The following DNAJB4 variants were observed in gnomAD, a reference collection of about 807,000 sequenced individuals.
The protein encoded by DNAJB4 is DnaJ heat shock protein family (Hsp40) member B4.
Under a neutral mutation model 26.6 loss-of-function variants are expected in DNAJB4, and 10 were observed. That is an observed-to-expected ratio of 0.38 (90% CI 0.23 to 0.64). DNAJB4 has a LOEUF of 0.64. DNAJB4 is among the 30% of genes least tolerant of loss of function. The probability of loss-of-function intolerance (pLI) is 0.58; values close to 1 mark genes in which losing one functional copy is unlikely to be tolerated. For synonymous variants in DNAJB4, 136 were observed against 134.8 expected (o/e 1.01, Z -0.06); for missense variants, 328 against 408.2 (o/e 0.80, Z 1.69).
At chr1:77,986,572 A>G (rs1320157219) in intron 1 of DNAJB4, among the ~76,000 whole-genome samples, 1 of 152,154 alleles carries the variant, frequency 6.6e-6, no homozygotes, top group Non-Finnish European at 1.5e-5. Flanking sequence ...CCATTCTTTA[A>G]ATCAACAACT....
At chr1:77,996,099 A>G (rs1382969678) in intron 1 of DNAJB4, among the ~76,000 whole-genome samples, 1 of 152,214 alleles carries the variant, frequency 6.6e-6, no homozygotes, top group Non-Finnish European at 1.5e-5. Flanking sequence ...TTGCTTGAAT[A>G]TTTTATTCAT....
At chr1:78,005,813 A>AC (rs1660317233) in intron 1 of DNAJB4, among the ~76,000 whole-genome samples, 1 of 152,218 alleles carries the variant, frequency 6.6e-6, no homozygotes, top group Non-Finnish European at 1.5e-5. Context: ...TGCCTTTCTT[A>AC]TAGCAAGGCT....
chr1:78,005,125 T>C lies in DNAJB4; in HGVS notation c.15T>C (p.Tyr5=). 1 of 1,613,814 alleles carries C rather than the reference T, an allele frequency of 6.2e-7. No homozygotes were observed. The highest frequency in any genetic ancestry group is 8.5e-7 in the Non-Finnish European group (1 of 1,179,920). MGKD[Y]YCILGIEKGA... is the part of the protein sequence containing the mutation. ...AGGCATTCGAAATGGGGAAAGACTATTATTGCATTTTGGGAATTGAGAAAG... is the reference window on the plus strand; with the variant it reads ...AGGCATTCGAAATGGGGAAAGACTACTATTGCATTTTGGGAATTGAGAAAG... The change falls in exon 1 of 3, where the codon TAT becomes TAC. Residue 5 remains tyrosine, a synonymous_variant. Transcript: ENST00000370763.
intron 1 of DNAJB4, among the ~76,000 whole-genome samples, 187 bp from the exon 2 acceptor site, chr1:78,012,861 TAAC>T (rs1660528332): frequency 6.6e-6 from 1 of 152,302 alleles, no homozygotes; most frequent in South Asian, 2.1e-4. Context: ...TTTGAAAACT[TAAC>T]AATTTAACTT....
At position 78,005,008 on chromosome 1, in the gene DNAJB4, A is replaced by G. The variant is rs1660292264; in HGVS notation, c.-103A>G. The stretch of plus-strand genomic sequence containing the variant: ...CTAGCTGAATTGCTGATTAACTTTT[A>G]AAATACCCAGCTTGGTTTATTTTTC... On this transcript the variant is annotated 5_prime_UTR_variant, in exon 1 of 3. Coordinates refer to ENST00000370763, the MANE Select transcript of DNAJB4 (RefSeq NM_007034.5). 1 of 1,228,030 alleles carries G rather than the reference A, an allele frequency of 8.1e-7. No individual in the cohort carries two copies. The allele number at this position is 1,228,030 out of a possible 1,614,324, so 76.1% of individuals were successfully genotyped here.
At chr1:77,982,976 A>G (rs558962120) in intron 1 of DNAJB4, among the ~76,000 whole-genome samples, 9 of 152,120 alleles carry the variant, frequency 5.9e-5, no homozygotes, top group Non-Finnish European at 1.3e-4. Context: ...AAAAGACACA[A>G]AGACAAAGTA....
In DNAJB4 at chr1:78,013,192, G is replaced by T. The variant is rs773911680; in HGVS notation, c.353G>T (p.Gly118Val). Residue 118 changes from glycine (G) to valine (V), a missense_variant, in exon 2 of 3, where the codon GGT becomes GTT. Gly to Val is a moderately radical substitution (Grantham distance 109). Coordinates refer to ENST00000370763, the MANE Select transcript of DNAJB4 (RefSeq NM_007034.5). ...FEIFFGRRMG[G>V]GRDSEEMEID... ...ATTTTCTTTGGAAGACGAATGGGTG[G>T]TGGTAGAGATTCTGAAGAAATGGAA... 1.7e-5 allele frequency: 27 copies of T among 1,614,068 alleles called. No individual in the cohort carries two copies. The African/African-American group carries it at 3.2e-4, about 19-fold the overall frequency.
At chr1:78,008,212 A>G (rs964296981) in intron 1 of DNAJB4, among the ~76,000 whole-genome samples, 1 of 152,182 alleles carries the variant, frequency 6.6e-6, no homozygotes, top group Non-Finnish European at 1.5e-5. Flanking sequence ...GGAAAGAAAA[A>G]AAATACGGAT....
At chr1:78,014,718 A>C (rs1429288509) in intron 2 of DNAJB4, among the ~76,000 whole-genome samples, 2 of 151,876 alleles carry the variant, frequency 1.3e-5, no homozygotes, top group Non-Finnish European at 2.9e-5. Flanking sequence ...CTCCTGCCTC[A>C]GGTTCCTGAG....
chr1:78,014,659 C>G (rs1489704214), intron 2 of DNAJB4, among the ~76,000 whole-genome samples: 1 of 152,014 alleles, frequency 6.6e-6, no homozygotes, highest in Non-Finnish European at 1.5e-5. Context: ...AGTGCAGTGG[C>G]ACAATCTCAG....
chr1:77,987,518 G>C (rs1298184291), intron 1 of DNAJB4, among the ~76,000 whole-genome samples: 1 of 152,090 alleles, frequency 6.6e-6, no homozygotes, highest in African/African-American at 2.4e-5. Flanking sequence ...TTCTGCCTTG[G>C]CCTCCCAAAG....
At chr1:77,992,460 C>T (rs1659956242) in intron 1 of DNAJB4, among the ~76,000 whole-genome samples, 1 of 136,558 alleles carries the variant, frequency 7.3e-6, no homozygotes, top group Non-Finnish European at 1.6e-5. Context: ...TGAGAATCAA[C>T]TACTTCAGGG....
At chr1:77,984,246 T>C (rs1659739638) in intron 1 of DNAJB4, among the ~76,000 whole-genome samples, 1 of 152,220 alleles carries the variant, frequency 6.6e-6, no homozygotes, top group African/African-American at 2.4e-5. Context: ...CCTTCAGCCC[T>C]AAGTCATTGA....
At chr1:78,005,699 C>T (rs1660314711) in intron 1 of DNAJB4, among the ~76,000 whole-genome samples, 1 of 152,172 alleles carries the variant, frequency 6.6e-6, no homozygotes, top group African/African-American at 2.4e-5. Context: ...AATGAATTTT[C>T]TGCCAGAACC....
At chr1:77,988,040 C>T (rs976191710) in intron 1 of DNAJB4, among the ~76,000 whole-genome samples, 1 of 139,830 alleles carries the variant, frequency 7.2e-6, no homozygotes, top group African/African-American at 2.6e-5. Flanking sequence ...TTTCCCCCCC[C>T]CCCCAGACAG....
chr1:77,993,395 C>T (rs1289012108), intron 1 of DNAJB4, among the ~76,000 whole-genome samples: 1 of 152,056 alleles, frequency 6.6e-6, no homozygotes, highest in African/African-American at 2.4e-5. Flanking sequence ...GCTCACTGAA[C>T]CTCCACCTCC....
At chr1:77,991,075 A>T (rs1659921060) in intron 1 of DNAJB4, among the ~76,000 whole-genome samples, 1 of 152,196 alleles carries the variant, frequency 6.6e-6, no homozygotes, top group African/African-American at 2.4e-5. Flanking sequence ...TGGGCTTCAC[A>T]GAAGCCCATC....
Position 78,005,069 on chromosome 1 carries a change from C to T in DNAJB4, c.-42C>T, listed in dbSNP as rs776703958. 2 of 1,586,230 alleles carry T rather than the reference C, an allele frequency of 1.3e-6. No homozygotes were observed. On this transcript the variant is annotated 5_prime_UTR_variant, in exon 1 of 3. Coordinates refer to ENST00000370763, the MANE Select transcript of DNAJB4 (RefSeq NM_007034.5). ...TTGCTAAGACTGGGGACGCTGTTTT[C>T]TTTTACAAAGGGAAATCTAAGTTAA...
upstream of DNAJB4, chr1:77,979,214 C>T: frequency 1.8e-6 from 1 of 556,346 alleles, no homozygotes; most frequent in Non-Finnish European, 3.2e-6. Flanking sequence ...ACGACAGGAA[C>T]AGAGACGTCG....
Sources: allele counts gnomAD v4.1 joint callset (sites outside exome capture counted in the v4.1 genomes callset), GRCh38; gene constraint gnomAD v4.1.1; transcripts MANE v1.5; gene names NCBI Gene and HGNC (gene_info 2026-07-23, HGNC 2026-07-21).